The following HPX variants were observed in gnomAD, a reference collection of about 807,000 sequenced individuals.
The protein encoded by HPX is hemopexin.
Under a neutral mutation model 53.8 loss-of-function variants are expected in HPX, and 42 were observed. The ratio of observed to expected loss-of-function variants is 0.78; its 90% CI spans 0.61 to 1.01. The LOEUF is 1.01. HPX is among the 50% of genes least tolerant of loss of function. HPX has a pLI of 0.00. For synonymous variants in HPX, 229 were observed against 221.1 expected (o/e 1.04, Z -0.32); for missense variants, 547 against 594.3 (o/e 0.92, Z 0.83).
intron 4 of HPX, 183 bp downstream of exon 4, chr11:6,439,982 C>T (rs1274576491): frequency 1.0e-5 from 7 of 703,066 alleles, no homozygotes; most frequent in African/African-American, 8.8e-5. Context: ...CTGGATGGTG[C>T]ACCTGCCAGG....
In HPX at chr11:6,431,124, C is replaced by A. The variant is rs1849340891; in HGVS notation, c.*87G>T. 6.5e-7 allele frequency: 1 copy of A among 1,547,126 alleles called. No homozygotes were observed. Among genetic ancestry groups the A allele is most frequent in the Admixed American group, 1.8e-5 (1 of 56,692 alleles). ...GCCAGGCCAGACTCATGTCAGAAGG[C>A]CCCTCAGTGAGAAGCGAAGAAGCAA... is the stretch of plus-strand genomic sequence containing the variant. On this transcript the variant is annotated 3_prime_UTR_variant, in exon 10 of 10. Transcript: ENST00000265983.
chr11:6,438,200 C>T (rs963561861), intron 5 of HPX, 156 bp downstream of exon 5: 11 of 726,614 alleles, frequency 1.5e-5, no homozygotes, highest in Non-Finnish European at 2.6e-5. Flanking sequence ...CCTTCCCTCA[C>T]GTGACCTCTA....
rs1405768031 is a variant in HPX, at chr11:6,431,275, A to T, written c.1325T>A (p.Leu442Gln). The T allele has an allele frequency of 6.2e-7, 1 of 1,614,244 alleles. No homozygotes were observed. The highest frequency in any genetic ancestry group is 8.5e-7 in the Non-Finnish European group (1 of 1,180,034). Residue 442 changes from leucine (L) to glutamine (Q), a missense_variant, in exon 10 of 10, where the codon CTG (leucine) becomes CAG (glutamine). Transcript: ENST00000265983. ...TTGCGGAAGGGCCTTGGCTGCATTC[A>T]GTTTCTCCACATCACTGTAGCAGTA... is the stretch of plus-strand genomic sequence containing the variant. ...NLYCYSDVEK[L>Q]NAAKALPQPQ...
chr11:6,440,416 G>A (rs772528298), intron 3 of HPX, 51 bp downstream of exon 3: 10 of 1,590,224 alleles, frequency 6.3e-6, no homozygotes, highest in Non-Finnish European at 8.6e-6. Context: ...CACCCTTTGT[G>A]AAGGAGAGTA....
intron 4 of HPX, chr11:6,439,517 A>G (rs1431054995): frequency 6.5e-6 from 1 of 154,430 alleles, no homozygotes; most frequent in Admixed American, 6.4e-5. Context: ...CAGCATAGAT[A>G]TTCCTCAGAG....
chr11:6,440,733 A>C lies in HPX; in HGVS notation c.84-3T>G. On this transcript the variant is annotated splice_polypyrimidine_tract_variant and splice_region_variant and intron_variant, in intron 1 of 9. Coordinates refer to ENST00000265983, the MANE Select transcript of HPX (RefSeq NM_000613.3). ...CAACATTCCCATGGGCACTAGTCCT[A>C]GGGAGAACAAAATAGATATCTTGAT... 1 of 1,613,326 alleles carries C rather than the reference A, an allele frequency of 6.2e-7. No homozygotes were observed. The highest frequency in any genetic ancestry group is 8.5e-7 in the Non-Finnish European group (1 of 1,179,330).
At position 6,440,678 on chromosome 11, in the gene HPX, C is replaced by A; in HGVS notation, c.136G>T (p.Val46Leu). 4.3e-6 allele frequency: 7 copies of A among 1,612,654 alleles called. No homozygotes were observed. The highest frequency in any genetic ancestry group is 5.9e-6 in the Non-Finnish European group (7 of 1,179,612). Residue 46 changes from valine to leucine, a missense_variant, in exon 2 of 10, where the codon GTG becomes TTG. Coordinates refer to ENST00000265983, the MANE Select transcript of HPX (RefSeq NM_000613.3). Reference sequence around the variant, plus strand: ...TAGGGAGTCAGGGCCTCACCAGTCACGTCTGGGTCTGGCTTGGTCTCGCCT... The same window carrying A: ...TAGGGAGTCAGGGCCTCACCAGTCAAGTCTGGGTCTGGCTTGGTCTCGCCT... ...AEGETKPDPD[V>L]TERCSDGWSF...
intron 7 of HPX, among the ~76,000 whole-genome samples, chr11:6,432,616 C>T (rs964547919): frequency 6.6e-5 from 10 of 152,168 alleles, no homozygotes; most frequent in African/African-American, 2.4e-4. Context: ...TAGTATTCTC[C>T]AATTTGCGAA....
At chr11:6,431,586 T>C (rs993410408) in intron 9 of HPX, 55 bp downstream of exon 9, 6 of 1,609,230 alleles carry the variant, frequency 3.7e-6, no homozygotes, top group Non-Finnish European at 3.4e-6. Context: ...TGGGGATCTA[T>C]GCCACAGACA....
intron 7 of HPX, among the ~76,000 whole-genome samples, chr11:6,435,110 A>C (rs191550269): frequency 0.011 from 1,638 of 151,742 alleles, 32 homozygotes; most frequent in African/African-American, 0.035. Context: ...TTGTAACCCA[A>C]AAAAAAATAC....
Position 6,431,244 on chromosome 11 carries a change from C to G in HPX, c.1356G>C (p.Gln452His). The G allele has an allele frequency of 2.5e-6, 4 of 1,614,236 alleles. No homozygotes were observed. The highest frequency in any genetic ancestry group is 1.6e-4 in the Middle Eastern group (1 of 6,062). ...TGCAGCCCAGGAGACTGGTCACATT[C>G]TGGGGTTGCGGAAGGGCCTTGGCTG... ...LNAAKALPQP[Q>H]NVTSLLGCTH The change falls in exon 10 of 10, where the codon CAG (glutamine) becomes CAC (histidine). Residue 452 changes from glutamine to histidine, a missense_variant. Physicochemically the swap from Gln to His is conservative, Grantham distance 24. Coordinates refer to ENST00000265983, the MANE Select transcript of HPX (RefSeq NM_000613.3).
Position 6,437,459 on chromosome 11 carries a change from G to A in HPX, c.684C>T (p.Phe228=). The A allele has an allele frequency of 6.2e-7, 1 of 1,613,724 alleles. No individual in the cohort carries two copies. Among genetic ancestry groups the A allele is most frequent in the Non-Finnish European group, 8.5e-7 (1 of 1,179,918 alleles). ...TCTCACCTCTGCCAGGGCAGGGCAT[G>A]AAGTAGTCTCGGACATCCCGCGGGT... ...PRYPRDVRDY[F]MPCPGRGHGH... The change falls in exon 6 of 10, where the codon TTC becomes TTT. Residue 228 remains phenylalanine, a synonymous_variant. Transcript: ENST00000265983.
rs1849425856 is a variant in HPX at position 6,437,068 on chromosome 11, A to G, written c.813T>C (p.His271=). 5 of 1,614,174 alleles carry G rather than the reference A, an allele frequency of 3.1e-6. No individual in the cohort carries two copies. Among genetic ancestry groups the G allele is most frequent in the Non-Finnish European group, 4.2e-6 (5 of 1,180,018 alleles). The change falls in exon 7 of 10, where the codon CAT becomes CAC. Residue 271 remains histidine (H), a synonymous_variant. Transcript: ENST00000265983. ...LVLSALTSDN[H]GATYAFSGTH... is the part of the protein sequence containing the mutation. ...CACCACTGAAGGCATAGGTGGCACC[A>G]TGGTTGTCAGACGTCAGTGCAGACA...
At chr11:6,440,107 GT>G in intron 4 of HPX, 57 bp downstream of exon 4, 1 of 1,610,348 alleles carries the variant, frequency 6.2e-7, no homozygotes, top group Non-Finnish European at 8.5e-7. Flanking sequence ...TGGGGGAAGG[GT>G]CCCCAGTGTC....
At chr11:6,435,433 T>C (rs970254392) in intron 7 of HPX, among the ~76,000 whole-genome samples, 11 of 151,100 alleles carry the variant, frequency 7.3e-5, no homozygotes, top group Non-Finnish European at 4.4e-5. Flanking sequence ...TATATATGGG[T>C]TTTTTGTTTG....
At chr11:6,433,576 C>A (rs1849378093) in intron 7 of HPX, among the ~76,000 whole-genome samples, 1 of 152,246 alleles carries the variant, frequency 6.6e-6, no homozygotes, top group African/African-American at 2.4e-5. Flanking sequence ...AAGCGGTCAT[C>A]ACCTCTAATT....
intron 7 of HPX, 140 bp from the exon 8 acceptor site, chr11:6,432,157 G>T: frequency 3.4e-6 from 3 of 891,278 alleles, no homozygotes; most frequent in Non-Finnish European, 5.2e-6. Flanking sequence ...GTGAGAAGGA[G>T]AAATAGAGCA....
chr11:6,436,897 T>G, intron 7 of HPX, 149 bp downstream of exon 7: 1 of 819,818 alleles, frequency 1.2e-6, no homozygotes, highest in Non-Finnish European at 2.0e-6. Context: ...GCCTCAGAGA[T>G]GAGGGATGCA....
rs139797593 is a variant in HPX at position 6,435,142 on chromosome 11, G to A, written c.835+1904C>T. Among the ~76,000 whole-genome samples the A allele has an allele frequency of 7.2e-4, 109 of 152,248 alleles. 1 individual carries two copies. Among genetic ancestry groups the A allele is most frequent in the African/African-American group, 2.4e-3 (99 of 41,540 alleles). The stretch of plus-strand genomic sequence containing the variant: ...ATACAAAAATTAGCCAGGCATGGTG[G>A]TATGCGCCTGTAGTCCCAGCTATAC... On this transcript the variant is annotated intron_variant, in intron 7 of 9. Transcript: ENST00000265983.
Sources: gnomAD v4.1 joint callset for allele counts (sites outside exome capture counted in the v4.1 genomes callset) on GRCh38, gnomAD v4.1.1 for gene constraint, MANE v1.5 for transcripts, NCBI Gene and HGNC (gene_info 2026-07-23, HGNC 2026-07-21) for gene names.